Variants in MILR1 observed in about 807,000 individuals in gnomAD.
The protein encoded by MILR1 is mast cell immunoglobulin like receptor 1.
MILR1 carries 31 observed loss-of-function variants against 18.5 expected under a neutral mutation model. The ratio of observed to expected loss-of-function variants is 1.68; its 90% CI spans 1.26 to 2.26. MILR1 has a LOEUF of 2.26. Ranked by LOEUF, MILR1 falls within the 30% of genes most tolerant of loss-of-function variation. The pLI, the probability that MILR1 is intolerant of heterozygous loss-of-function variation, is 0.00. For synonymous variants in MILR1, 85 were observed against 56.2 expected (o/e 1.51, Z -2.30); for missense variants, 257 against 157.4 (o/e 1.63, Z -3.38).
At chr17:64,480,391 TAGAA>T in the MILR1 span, 51 of 1,371,680 alleles carry the variant, frequency 3.7e-5, no homozygotes, top group Admixed American at 1.9e-4. Flanking sequence ...TTGACAAACC[TAGAA>T]AGAAATAGAA....
At chr17:64,487,613 C>CAAAAAA in the MILR1 span, 8 of 73,652 alleles carry the variant, frequency 1.1e-4, no homozygotes, top group South Asian at 5.4e-4. Context: ...GACACCATCT[C>CAAAAAA]AAAAAAAAAA....
At chr17:64,477,630 T>G in the MILR1 span, among the ~76,000 whole-genome samples, 1 of 152,168 alleles carries the variant, frequency 6.6e-6, no homozygotes, top group East Asian at 1.9e-4. Context: ...CTTAATCCAG[T>G]ATAGTAGATT....
intron 4 of MILR1, 60 bp downstream of exon 4, chr17:64,457,744 C>A: frequency 2.1e-6 from 1 of 465,886 alleles, no homozygotes; most frequent in Non-Finnish European, 3.9e-6. Context: ...ACTGCAGCTG[C>A]TCCTCTGCCC....
intron 5 of MILR1, among the ~76,000 whole-genome samples, chr17:64,461,984 C>A (rs1271969351): frequency 1.3e-5 from 2 of 152,158 alleles, no homozygotes; most frequent in Admixed American, 6.6e-5. Flanking sequence ...TACATAAATA[C>A]GCCACACTTT....
At chr17:64,458,134 TCTTGTATGCCTGCCTTTCTTTC>T (rs2037342411) in intron 4 of MILR1, among the ~76,000 whole-genome samples, 1 of 150,738 alleles carries the variant, frequency 6.6e-6, no homozygotes, top group African/African-American at 2.5e-5. Flanking sequence ...CTTCCTTCCT[TCTTGTATGCCTGCCTTTCTTTC>T]CCTTCCTTCC....
chr17:64,495,147 C>A, the MILR1 span, among the ~76,000 whole-genome samples: 62 of 127,902 alleles, frequency 4.8e-4, 1 homozygote, highest in Non-Finnish European at 7.8e-4. Flanking sequence ...CACTGCACTC[C>A]AGCCTGGGCG....
At chr17:64,487,494 A>C in the MILR1 span, 2 of 151,860 alleles carry the variant, frequency 1.3e-5, no homozygotes, top group Admixed American at 6.6e-5. Flanking sequence ...CATGCTTGTA[A>C]TCCCAGCTAC....
chr17:64,460,376 C>T (rs1341450066), intron 4 of MILR1, among the ~76,000 whole-genome samples: 1 of 152,062 alleles, frequency 6.6e-6, no homozygotes, highest in African/African-American at 2.4e-5. Flanking sequence ...CTGGTTCTGT[C>T]CCTCAGGCTG....
the MILR1 span, among the ~76,000 whole-genome samples, chr17:64,488,907 T>C: frequency 6.6e-6 from 1 of 152,034 alleles, no homozygotes; most frequent in East Asian, 1.9e-4. Context: ...ATCGCGACAC[T>C]GCACTCCAGC....
chr17:64,469,505 C>T (rs571112496), downstream of MILR1, among the ~76,000 whole-genome samples: 1 of 152,366 alleles, frequency 6.6e-6, no homozygotes, highest in East Asian at 1.9e-4. Flanking sequence ...TAAAGCGATT[C>T]TCCTGCCTCA....
the MILR1 span, chr17:64,485,574 G>T: frequency 1.5e-6 from 1 of 666,856 alleles, no homozygotes; most frequent in Non-Finnish European, 2.6e-6. Flanking sequence ...TCTTATTCCT[G>T]TGGCCAGATT....
At chr17:64,477,484 T>C in the MILR1 span, among the ~76,000 whole-genome samples, 10 of 152,152 alleles carry the variant, frequency 6.6e-5, no homozygotes, top group Non-Finnish European at 1.3e-4. Flanking sequence ...GAAGCAACAA[T>C]GATAAACACC....
downstream of MILR1, among the ~76,000 whole-genome samples, chr17:64,470,088 T>C (rs191583661): frequency 1.3e-5 from 2 of 152,220 alleles, no homozygotes; most frequent in South Asian, 2.1e-4. Flanking sequence ...CACAATAATA[T>C]GAGTTTTGTT....
chr17:64,467,976 G>C (rs951028012), intron 9 of MILR1: 9 of 278,294 alleles, frequency 3.2e-5, no homozygotes, highest in Non-Finnish European at 5.6e-5. Context: ...GATATTCATT[G>C]ATGTTCATGA....
chr17:64,461,414 AT>A (rs2037429684), intron 5 of MILR1, among the ~76,000 whole-genome samples: 1 of 151,628 alleles, frequency 6.6e-6, no homozygotes, highest in Non-Finnish European at 1.5e-5. Context: ...TACCCAGCTA[AT>A]TTTTTGTATT....
At chr17:64,493,019 C>T in the MILR1 span, 1 of 1,614,004 alleles carries the variant, frequency 6.2e-7, no homozygotes. Flanking sequence ...TGTTCCAAGG[C>T]ACCTGTCAAA....
chr17:64,491,428 C>T, the MILR1 span: 1 of 769,602 alleles, frequency 1.3e-6, no homozygotes, highest in Non-Finnish European at 2.1e-6. Context: ...GACTTCATCT[C>T]TACAAATAAT....
chr17:64,479,776 T>C, the MILR1 span, among the ~76,000 whole-genome samples: 1 of 152,094 alleles, frequency 6.6e-6, no homozygotes, highest in Non-Finnish European at 1.5e-5. Context: ...CTGACAGCAT[T>C]TGATGATAGA....
the MILR1 span, chr17:64,496,809 C>A: frequency 6.2e-7 from 1 of 1,613,830 alleles, no homozygotes; most frequent in Non-Finnish European, 8.5e-7. Flanking sequence ...GGGTGCTCGC[C>A]GTTCCCCTCG....
Sources: allele counts gnomAD v4.1 joint callset (sites outside exome capture counted in the v4.1 genomes callset), GRCh38; gene constraint gnomAD v4.1.1; transcripts MANE v1.5; gene names NCBI Gene and HGNC (gene_info 2026-07-23, HGNC 2026-07-21).